Variants in EDIL3 observed in about 807,000 individuals in gnomAD.
EDIL3 encodes the protein EGF like and discoidin domains 3.
A neutral mutation model predicts 67.4 loss-of-function variants in EDIL3; 37 were observed. That is an observed-to-expected ratio of 0.55 (90% CI 0.42 to 0.72). The LOEUF (loss-of-function observed/expected upper bound fraction) is 0.72. EDIL3 is among the 30% of genes least tolerant of loss of function. The probability of loss-of-function intolerance (pLI) is 0.00; values close to 1 mark genes in which losing one functional copy is unlikely to be tolerated. For missense variants in EDIL3, 527 were observed against 586.3 expected (o/e 0.90, Z 1.04); for synonymous variants, 195 against 196.3 (o/e 0.99, Z 0.05).
chr5:84,317,316 C>G (rs1746533955), intron 1 of EDIL3, among the ~76,000 whole-genome samples: 1 of 151,978 alleles, frequency 6.6e-6, no homozygotes, highest in South Asian at 2.1e-4. Flanking sequence ...ATCAATGAAT[C>G]CAGGAGCTGA....
intron 1 of EDIL3, among the ~76,000 whole-genome samples, chr5:84,306,244 T>C (rs1195039767): frequency 6.6e-6 from 1 of 152,224 alleles, no homozygotes; most frequent in Non-Finnish European, 1.5e-5. Flanking sequence ...CACTAAGCAC[T>C]GGCTTGAAAC....
At chr5:84,122,730 C>T (rs1359558613) in intron 5 of EDIL3, among the ~76,000 whole-genome samples, 1 of 151,794 alleles carries the variant, frequency 6.6e-6, no homozygotes, top group African/African-American at 2.4e-5. Flanking sequence ...ACTTAGATGT[C>T]TTGTTTATGA....
intron 1 of EDIL3, among the ~76,000 whole-genome samples, chr5:84,314,535 AG>A (rs1746471471): frequency 6.6e-6 from 1 of 152,214 alleles, no homozygotes; most frequent in South Asian, 2.1e-4. Context: ...ATAAGTTAAA[AG>A]GTTTCCTAGA....
At chr5:84,345,155 A>G (rs1002719759) in intron 1 of EDIL3, among the ~76,000 whole-genome samples, 1 of 152,162 alleles carries the variant, frequency 6.6e-6, no homozygotes, top group South Asian at 2.1e-4. Flanking sequence ...TCACCATGGA[A>G]GACATACTTA....
At chr5:84,340,534 C>CTATATATATATATA (rs776456328) in intron 1 of EDIL3, among the ~76,000 whole-genome samples, 1 of 54,196 alleles carries the variant, frequency 1.8e-5, no homozygotes, top group Non-Finnish European at 3.6e-5. Flanking sequence ...CTCTCTCTCT[C>CTATATATATATATA]TATATATATA....
rs745511048 is a variant in EDIL3, at chr5:84,384,290, C to A, written c.67+18G>T. ...CCAGCCCATCCCTCACCCAGCTGTC[C>A]GGGTCCCGACGCCTTACCTTTGCCG... is the stretch of plus-strand genomic sequence containing the variant. On this transcript the variant is annotated intron_variant, in intron 1 of 10. Coordinates refer to ENST00000296591, the MANE Select transcript of EDIL3 (RefSeq NM_005711.5). 3.1e-6 allele frequency: 5 copies of A among 1,605,508 alleles called. No individual in the cohort carries two copies. The highest frequency in any genetic ancestry group is 4.3e-6 in the Non-Finnish European group (5 of 1,175,894).
At chr5:84,081,963 G>A (rs1346667930) in intron 6 of EDIL3, among the ~76,000 whole-genome samples, 3 of 152,174 alleles carry the variant, frequency 2.0e-5, no homozygotes, top group Non-Finnish European at 4.4e-5. Flanking sequence ...ACAGTGCTGA[G>A]TGAATAAGAA....
rs1003718281 is a variant in EDIL3 at position 84,242,672 on chromosome 5, C to T, written c.196+11412G>A. Among the ~76,000 whole-genome samples the T allele has an allele frequency of 5.3e-5, 8 of 151,586 alleles. No individual in the cohort carries two copies. In the East Asian group the frequency reaches 1.4e-3, roughly 26 times the overall value. ...AACTAACCAGGCTTGGTGGAGTGTA[C>T]CTGTAGTCCCAGCTACTTGGGAGGC... On this transcript the variant is annotated intron_variant, in intron 2 of 10. Coordinates refer to ENST00000296591, the MANE Select transcript of EDIL3 (RefSeq NM_005711.5).
intron 9 of EDIL3, among the ~76,000 whole-genome samples, chr5:84,045,639 A>G (rs944112775): frequency 3.3e-5 from 5 of 152,226 alleles, no homozygotes; most frequent in Non-Finnish European, 5.9e-5. Context: ...GAATTTTACC[A>G]AAGATCAATA....
At chr5:84,320,015 G>A (rs1341797965) in intron 1 of EDIL3, among the ~76,000 whole-genome samples, 2 of 152,060 alleles carry the variant, frequency 1.3e-5, no homozygotes, top group African/African-American at 2.4e-5. Context: ...GTGGGTGCCT[G>A]GGGGAGGGAA....
chr5:84,054,521 C>A (rs1457398144), intron 9 of EDIL3, among the ~76,000 whole-genome samples: 1 of 152,120 alleles, frequency 6.6e-6, no homozygotes, highest in Non-Finnish European at 1.5e-5. Context: ...GTCAAATTGT[C>A]CCTGTTTGCA....
At chr5:84,283,196 A>G (rs1745739095) in intron 1 of EDIL3, among the ~76,000 whole-genome samples, 1 of 152,168 alleles carries the variant, frequency 6.6e-6, no homozygotes, top group Non-Finnish European at 1.5e-5. Flanking sequence ...GCTACGGTTT[A>G]TTCCCAATTG....
intron 1 of EDIL3, among the ~76,000 whole-genome samples, chr5:84,351,350 T>C (rs1298921355): frequency 1.3e-5 from 2 of 152,130 alleles, no homozygotes; most frequent in East Asian, 3.9e-4. Context: ...TGAAAAACAC[T>C]AAGTAATGGC....
At position 84,285,480 on chromosome 5, in the gene EDIL3, T is replaced by C. The variant is rs1008245419; in HGVS notation, c.68-31268A>G. ...TGTCTTAGAGGGTTTTGCATTCTCATGCGTAGCACGGTGTCTGGCACGTAT... is the reference window on the plus strand; with the variant it reads ...TGTCTTAGAGGGTTTTGCATTCTCACGCGTAGCACGGTGTCTGGCACGTAT... On this transcript the variant is annotated intron_variant, in intron 1 of 10. Transcript: ENST00000296591. 1.1e-4 allele frequency among the ~76,000 whole-genome samples: 17 copies of C among 152,334 alleles called. No homozygotes were observed. The South Asian group carries it at 1.4e-3, about 13-fold the overall frequency.
intron 5 of EDIL3, among the ~76,000 whole-genome samples, chr5:84,136,193 A>C (rs572877362): frequency 6.6e-6 from 1 of 152,274 alleles, no homozygotes; most frequent in South Asian, 2.1e-4. Context: ...AACCTGTAGC[A>C]CTGCTTCTCT....
chr5:84,156,594 T>C (rs573548097), intron 4 of EDIL3, among the ~76,000 whole-genome samples: 12 of 152,340 alleles, frequency 7.9e-5, no homozygotes, highest in African/African-American at 2.9e-4. Context: ...ATGCTAAATA[T>C]GTATGCTCAG....
At chr5:84,228,595 A>G (rs1046963494) in intron 3 of EDIL3, among the ~76,000 whole-genome samples, 1 of 152,126 alleles carries the variant, frequency 6.6e-6, no homozygotes, top group African/African-American at 2.4e-5. Context: ...TGAAACATCA[A>G]TTGAGGGTTT....
At chr5:84,007,624 T>C (rs559162213) in intron 9 of EDIL3, among the ~76,000 whole-genome samples, 27 of 152,250 alleles carry the variant, frequency 1.8e-4, no homozygotes, top group African/African-American at 6.3e-4. Context: ...AGACCAGCAG[T>C]AGCAAATGCT....
At position 84,137,298 on chromosome 5, in the gene EDIL3, C is replaced by G; in HGVS notation, c.412G>C (p.Val138Leu). 6.2e-7 allele frequency: 1 copy of G among 1,613,298 alleles called. No homozygotes were observed. The highest frequency in any genetic ancestry group is 1.3e-5 in the African/African-American group (1 of 74,850). Residue 138 changes from valine (V) to leucine (L), a missense_variant, in exon 5 of 11, where the codon GTT becomes CTT. This residue lies in a region of EDIL3 where 494 missense variants were observed against 522.5 expected (regional missense o/e 0.95). Transcript: ENST00000296591. ...GGGCACTCACAGGAATAGTTAGCAA[C>G]AAGATCTGTACATATTCCACCATTT... ...CKNGGICTDLVANYSCECPGE... is the reference protein window; with the variant it reads ...CKNGGICTDLLANYSCECPGE...
Sources: allele counts gnomAD v4.1 joint callset (sites outside exome capture counted in the v4.1 genomes callset), GRCh38; gene constraint gnomAD v4.1.1; regional missense constraint gnomAD v4.1.1; transcripts MANE v1.5; gene names NCBI Gene and HGNC (gene_info 2026-07-23, HGNC 2026-07-21).